The following TLN2 variants were observed in gnomAD, a reference collection of about 807,000 sequenced individuals.
TLN2 encodes the protein talin-2.
In TLN2, 118 loss-of-function variants were observed where a neutral mutation model predicts 294.7. The observed-to-expected ratio is 0.40, with a 90% CI of 0.34 to 0.47. The LOEUF (loss-of-function observed/expected upper bound fraction) is 0.47, where lower values mean the gene tolerates loss of function less well. Among genes scored for constraint, TLN2 ranks in the 20% least tolerant of loss-of-function variants. TLN2 has a pLI of 0.84. For synonymous variants in TLN2, 1,431 were observed against 1,304.5 expected (o/e 1.10, Z -2.09); for missense variants, 3,083 against 3,282.2 (o/e 0.94, Z 1.48).
At chr15:62,561,717 T>C (rs1041548454) in intron 1 of TLN2, among the ~76,000 whole-genome samples, 5 of 147,222 alleles carry the variant, frequency 3.4e-5, no homozygotes, top group African/African-American at 1.3e-4. Flanking sequence ...CCTGATCGCC[T>C]GCTGCTGTCC....
At chr15:62,486,998 A>G (rs963390266) in intron 1 of TLN2, among the ~76,000 whole-genome samples, 1 of 152,112 alleles carries the variant, frequency 6.6e-6, no homozygotes, top group African/African-American at 2.4e-5. Context: ...TCCATCCCAG[A>G]GATAGAAGCA....
intron 12 of TLN2, chr15:62,687,881 A>G (rs2057422712): frequency 1.3e-5 from 2 of 152,244 alleles, no homozygotes; most frequent in African/African-American, 4.8e-5. Flanking sequence ...GAATGTTCAT[A>G]CTTAGCTGTG....
rs547846488 is a variant in TLN2 at position 62,570,713 on chromosome 15, C to T, written c.-237-18974C>T. ...ATCAGAGGATGTTTAGCAGCTGCCT[C>T]GGCCTCTACCCACTATGCCAGTAGC... On this transcript the variant is annotated intron_variant, in intron 1 of 58. Coordinates refer to ENST00000636159, the MANE Select transcript of TLN2 (RefSeq NM_015059.3). 8.5e-5 allele frequency among the ~76,000 whole-genome samples: 13 copies of T among 152,338 alleles called. No individual in the cohort carries two copies. In the East Asian group the frequency reaches 1.7e-3, roughly 20 times the overall value.
At chr15:62,719,946 G>A (rs564837964) in intron 25 of TLN2, 66 bp downstream of exon 25, 4 of 1,246,620 alleles carry the variant, frequency 3.2e-6, no homozygotes, top group Non-Finnish European at 4.3e-6. Flanking sequence ...TGCCCTTTAA[G>A]GAGAGGAGTT....
intron 1 of TLN2, among the ~76,000 whole-genome samples, chr15:62,476,827 A>T (rs2037808524): frequency 6.6e-6 from 1 of 152,178 alleles, no homozygotes; most frequent in Admixed American, 6.5e-5. Flanking sequence ...CTTGCCTGGC[A>T]TGTACCTTCT....
intron 14 of TLN2, among the ~76,000 whole-genome samples, chr15:62,696,055 T>C (rs1470169321): frequency 6.6e-6 from 1 of 152,238 alleles, no homozygotes; most frequent in African/African-American, 2.4e-5. Flanking sequence ...GGTCCTTGGC[T>C]GAGATCTCAG....
intron 1 of TLN2, among the ~76,000 whole-genome samples, chr15:62,440,746 A>G (rs1416818798): frequency 6.6e-6 from 1 of 152,232 alleles, no homozygotes; most frequent in Non-Finnish European, 1.5e-5. Context: ...TAGAGCTGTC[A>G]TGGAAAGCAG....
intron 52 of TLN2, 28 bp downstream of exon 52, chr15:62,810,060 G>A: frequency 6.3e-7 from 1 of 1,579,800 alleles, no homozygotes. Flanking sequence ...TCAGGGCTGG[G>A]GAGTAGCTGT....
chr15:62,504,592 A>G lies in TLN2; in HGVS notation c.-237-85095A>G, dbSNP rs140721538. 1.6e-3 allele frequency among the ~76,000 whole-genome samples: 247 copies of G among 152,362 alleles called. 1 individual carries two copies. Among genetic ancestry groups the G allele is most frequent in the African/African-American group, 5.7e-3 (235 of 41,590 alleles). ...CAATGGAGAATGGATGGGCTTTTCA[A>G]CAAGTGATGCTGAAACAGTTGGGTA... On this transcript the variant is annotated intron_variant, in intron 1 of 58. Transcript: ENST00000636159.
rs35955277 is a variant in TLN2 at position 62,604,524 on chromosome 15, T to TAAA, written c.-161-13807_-161-13805dup. 3.0e-4 allele frequency among the ~76,000 whole-genome samples: 26 copies of TAAA among 87,316 alleles called. No homozygotes were observed. In the East Asian group the frequency reaches 8.4e-3, roughly 28 times the overall value. The allele number at this position is 87,316 out of a possible 152,430, so 57.3% of individuals were successfully genotyped here. On this transcript the variant is annotated intron_variant, in intron 2 of 58. Coordinates refer to ENST00000636159, the MANE Select transcript of TLN2 (RefSeq NM_015059.3). ...TGGGTGACAAAGTGAGACCTTGTCT[T>TAAA]AAAAAAAAAAAAAAAAAAAAAAGAA...
intron 1 of TLN2, among the ~76,000 whole-genome samples, chr15:62,408,199 G>T (rs1020393372): frequency 6.6e-6 from 1 of 152,082 alleles, no homozygotes. Context: ...AGAGGGTGTG[G>T]CCTTAGATAA....
At chr15:62,728,376 G>A (rs779404342) in intron 28 of TLN2, among the ~76,000 whole-genome samples, 1 of 152,060 alleles carries the variant, frequency 6.6e-6, no homozygotes, top group Non-Finnish European at 1.5e-5. Flanking sequence ...GCTGTTCTTG[G>A]GCATTTGGGT....
Position 62,738,303 on chromosome 15 carries a change from G to A in TLN2, c.3657G>A (p.Gly1219=). The A allele has an allele frequency of 6.2e-7, 1 of 1,614,086 alleles. No individual in the cohort carries two copies. Residue 1219 remains glycine, a synonymous_variant, in exon 30 of 59, where the codon GGG becomes GGA. Coordinates refer to ENST00000636159, the MANE Select transcript of TLN2 (RefSeq NM_015059.3). Reference sequence around the variant, plus strand: ...TGGACGTGGCCTTGAAGAGCATCGGGGAGTCCAGCAAGAAGCTGCTTGTGG... The same window carrying A: ...TGGACGTGGCCTTGAAGAGCATCGGAGAGTCCAGCAAGAAGCTGCTTGTGG... ...KDVDVALKSI[G]ESSKKLLVDS...
chr15:62,722,953 T>G (rs2060235510), intron 26 of TLN2, among the ~76,000 whole-genome samples: 1 of 152,208 alleles, frequency 6.6e-6, no homozygotes. Flanking sequence ...CCTGCAAAGT[T>G]TTCACTTATT....
chr15:62,763,452 G>T, intron 39 of TLN2, 111 bp from the exon 40 acceptor site: 1 of 1,429,286 alleles, frequency 7.0e-7, no homozygotes, highest in African/African-American at 1.4e-5. Flanking sequence ...CTGAAAGGAG[G>T]TGACTGTGTC....
At position 62,552,188 on chromosome 15, in the gene TLN2, C is replaced by T. The variant is rs1024045415; in HGVS notation, c.-237-37499C>T. 1.5e-4 allele frequency among the ~76,000 whole-genome samples: 23 copies of T among 152,218 alleles called. No individual in the cohort carries two copies. The East Asian group carries it at 4.2e-3, about 28-fold the overall frequency. On this transcript the variant is annotated intron_variant, in intron 1 of 58. Transcript: ENST00000636159. ...AATGTCCCCTAGGGAATAAAGTAAC[C>T]CCTGGTCGATAATCACTGAGTTAGC...
intron 1 of TLN2, among the ~76,000 whole-genome samples, chr15:62,562,905 A>ATC (rs1440063407): frequency 5.2e-5 from 5 of 96,164 alleles, no homozygotes; most frequent in African/African-American, 1.2e-4. Context: ...GTAGTATTCC[A>ATC]TCACACACAC....
At chr15:62,423,585 A>AT (rs879392912) in intron 1 of TLN2, among the ~76,000 whole-genome samples, 3,567 of 145,748 alleles carry the variant, frequency 0.024, 125 homozygotes, top group African/African-American at 0.081. Context: ...GATGAAATTG[A>AT]TTTTTTTTTT....
At chr15:62,804,199 T>G (rs1380329594) in intron 50 of TLN2, among the ~76,000 whole-genome samples, 1 of 152,186 alleles carries the variant, frequency 6.6e-6, no homozygotes, top group African/African-American at 2.4e-5. Context: ...GCTTCTGACA[T>G]GCATAGGCAG....
Sources: allele counts gnomAD v4.1 joint callset (sites outside exome capture counted in the v4.1 genomes callset), GRCh38; gene constraint gnomAD v4.1.1; transcripts MANE v1.5; gene names NCBI Gene and HGNC (gene_info 2026-07-23, HGNC 2026-07-21).